The following DPEP2 variants were observed in gnomAD, a reference collection of about 807,000 sequenced individuals.
DPEP2 encodes the protein dipeptidase 2.
In DPEP2, 45 loss-of-function variants were observed where a neutral mutation model predicts 51.8. The observed-to-expected ratio is 0.87, with a 90% CI of 0.68 to 1.11. The LOEUF (loss-of-function observed/expected upper bound fraction) is 1.11, where lower values mean the gene tolerates loss of function less well. Ranked by LOEUF, DPEP2 falls within the 50% of genes most tolerant of loss-of-function variation. The pLI is 0.00. For missense variants in DPEP2, 604 were observed against 631.9 expected, an observed-to-expected ratio of 0.96 and a Z score of 0.47; for synonymous variants, 255 against 262.7, an observed-to-expected ratio of 0.97 and a Z score of 0.28.
chr16:67,988,938 AAGG>A (rs2031773766), intron 9 of DPEP2, among the ~76,000 whole-genome samples: 1 of 151,914 alleles, frequency 6.6e-6, no homozygotes, highest in African/African-American at 2.4e-5. Flanking sequence ...AGGAAGAAAG[AAGG>A]AGGAGGAGGA....
At chr16:67,989,660 G>T in intron 8 of DPEP2, among the ~76,000 whole-genome samples, 1 of 152,210 alleles carries the variant, frequency 6.6e-6, no homozygotes, top group East Asian at 1.9e-4. Context: ...GATTAAACCT[G>T]CCTCTAGTCT....
chr16:68,000,603 G>A (rs896140160), upstream of DPEP2: 4 of 613,808 alleles, frequency 6.5e-6, no homozygotes, highest in African/African-American at 8.0e-5. Flanking sequence ...CCAGAAAGCA[G>A]CCTGGCCACT....
At chr16:67,992,340 C>G (rs2032276923) in intron 3 of DPEP2, 147 bp from the exon 4 acceptor site, 1 of 1,432,764 alleles carries the variant, frequency 7.0e-7, no homozygotes, top group Non-Finnish European at 9.4e-7. Context: ...TCCTGGCCAC[C>G]AAGCTGGCTC....
At chr16:67,992,411 C>T in intron 3 of DPEP2, 99 bp downstream of exon 3, 1 of 1,520,604 alleles carries the variant, frequency 6.6e-7, no homozygotes, top group Non-Finnish European at 8.9e-7. Context: ...ACTATGGTAA[C>T]TGAGTTCTCA....
In DPEP2 at chr16:67,990,037, AG is replaced by A. The variant is rs759538140; in HGVS notation, c.994+9del. On this transcript the variant is annotated intron_variant, in intron 8 of 10. Coordinates refer to ENST00000393847, the MANE Select transcript of DPEP2 (RefSeq NM_022355.4). ...CAGAACTGTTCAGAGAGCCCGGGAG[AG>A]GGAGTTACCTGCCACAGTGGACACA... is the stretch of plus-strand genomic sequence containing the variant. 1.7e-5 allele frequency: 28 copies of A among 1,613,822 alleles called. No homozygotes were observed. The highest frequency in any genetic ancestry group is 3.3e-5 in the Admixed American group (2 of 59,986).
intron 1 of DPEP2, among the ~76,000 whole-genome samples, chr16:67,998,886 A>G (rs2032863128): frequency 6.6e-6 from 1 of 152,138 alleles, no homozygotes; most frequent in African/African-American, 2.4e-5. Flanking sequence ...CTCTGTATTT[A>G]GCTAATCTGG....
In DPEP2 at chr16:67,991,741, C is replaced by T. The variant is rs2151377285; in HGVS notation, c.662+97G>A. 1 of 1,522,362 alleles carries T rather than the reference C, an allele frequency of 6.6e-7. No homozygotes were observed. Among genetic ancestry groups the T allele is most frequent in the Non-Finnish European group, 8.9e-7 (1 of 1,127,198 alleles). The allele number at this position is 1,522,362 out of a possible 1,614,324, so 94.3% of individuals were successfully genotyped here. On this transcript the variant is annotated intron_variant, in intron 5 of 10. Coordinates refer to ENST00000393847, the MANE Select transcript of DPEP2 (RefSeq NM_022355.4). This position sits in a 1 kb window ranked among gnomAD's most constrained non-coding sequence, Gnocchi z 5.1. The stretch of plus-strand genomic sequence containing the variant: ...CCCCTCCCCACTCCAGAGTCAGTGC[C>T]ACATCCCATGGGTAAAGCTTGTTCT...
chr16:67,991,947 T>G lies in DPEP2; in HGVS notation c.553A>C (p.Ile185Leu), dbSNP rs139782026. 1.2e-6 allele frequency: 2 copies of G among 1,614,202 alleles called. No homozygotes were observed. The highest frequency in any genetic ancestry group is 1.7e-6 in the Non-Finnish European group (2 of 1,180,038). Residue 185 changes from isoleucine (I) to leucine (L), a missense_variant, in exon 5 of 11, where the codon ATC (isoleucine) becomes CTC (leucine). Coordinates refer to ENST00000393847, the MANE Select transcript of DPEP2 (RefSeq NM_022355.4). This position sits in a 1 kb window ranked among gnomAD's most constrained non-coding sequence, Gnocchi z 5.1. ...LNDTQKLACL[I>L]GVEGGHSLDN... ...AGCGAGTGGCCACCCTCTACACCGATGAGGCAGGCCAATTTCTGAGTGTCG... is the reference window on the plus strand; with the variant it reads ...AGCGAGTGGCCACCCTCTACACCGAGGAGGCAGGCCAATTTCTGAGTGTCG...
intron 3 of DPEP2, 67 bp from the exon 4 acceptor site, chr16:67,992,260 C>T (rs1171618814): frequency 6.4e-7 from 1 of 1,571,652 alleles, no homozygotes; most frequent in South Asian, 1.2e-5. Context: ...TGCTCACAGC[C>T]TCCACAGCTG....
chr16:67,990,198 C>T (rs2031958620), intron 7 of DPEP2, 67 bp from the exon 8 acceptor site: 9 of 1,486,376 alleles, frequency 6.1e-6, no homozygotes, highest in South Asian at 3.4e-5. Context: ...CCCTGCCACC[C>T]TCTGGATCCC....
At chr16:67,988,140 G>T in intron 9 of DPEP2, 153 bp from the exon 10 acceptor site, 2 of 893,748 alleles carry the variant, frequency 2.2e-6, no homozygotes, top group Non-Finnish European at 3.3e-6. Context: ...TTATCCTTCA[G>T]AAGGAGGCCT....
At chr16:67,993,591 AAG>A in intron 1 of DPEP2, 2 of 1,005,156 alleles carry the variant, frequency 2.0e-6, no homozygotes, top group Non-Finnish European at 2.4e-6. Flanking sequence ...CTCTCTCTCT[AAG>A]AGAGAGGGCC....
At position 67,990,123 on chromosome 16, in the gene DPEP2, GTTC is replaced by G. The variant is rs753249157; in HGVS notation, c.915_917del (p.Lys305del). 2.2e-5 allele frequency: 36 copies of G among 1,613,964 alleles called. No individual in the cohort carries two copies. The highest frequency in any genetic ancestry group is 1.8e-5 in the Non-Finnish European group (21 of 1,179,994). ...ACAAAGACACCATCACGACGCCACC[GTTC>G]TTCTTCTGCAGGGGCGGGCAAGTGG... On this transcript the variant is annotated inframe_deletion, in exon 8 of 11. Transcript: ENST00000393847.
At chr16:67,997,902 C>T (rs1028841178) in intron 1 of DPEP2, among the ~76,000 whole-genome samples, 5 of 152,274 alleles carry the variant, frequency 3.3e-5, no homozygotes, top group African/African-American at 1.2e-4. Context: ...TGGAGTCAGG[C>T]CCTGAGTTTC....
chr16:67,990,833 G>A lies in DPEP2; in HGVS notation c.897C>T (p.Ile299=), dbSNP rs202192183. 4 of 1,612,672 alleles carry A rather than the reference G, an allele frequency of 2.5e-6. No homozygotes were observed. Among genetic ancestry groups the A allele is most frequent in the Non-Finnish European group, 3.4e-6 (4 of 1,179,024 alleles). The part of the protein sequence containing the change: ...CNSARNVPDD[I]LQLLKKNGGV... The stretch of plus-strand genomic sequence containing the variant: ...GGCAGTTTCTCACCAGAAGCTGCAG[G>A]ATGTCATCAGGAACATTCCGAGCAC... Residue 299 remains isoleucine, a synonymous_variant, in exon 7 of 11, where the codon ATC becomes ATT. Transcript: ENST00000393847.
At chr16:68,000,381 T>G (rs1028546160), upstream of DPEP2, 2 of 956,040 alleles carry the variant, frequency 2.1e-6, no homozygotes, top group Non-Finnish European at 2.5e-6. Context: ...AAAGTCAGGC[T>G]GAGTTATAGC....
At chr16:67,988,373 A>C (rs998132879) in intron 9 of DPEP2, among the ~76,000 whole-genome samples, 8 of 151,340 alleles carry the variant, frequency 5.3e-5, no homozygotes, top group Non-Finnish European at 1.2e-4. Context: ...GGTGAAACCC[A>C]ATCTCTACTA....
rs756436332 is a variant in DPEP2 at position 67,991,578 on chromosome 16, A to G, written c.662+260T>C. ...TTTTTCTTCAAGATAGGGTTTCACC[A>G]TCTTGGCCAGGCTGGTCTCGAACTC... On this transcript the variant is annotated intron_variant, in intron 5 of 10. Coordinates refer to ENST00000393847, the MANE Select transcript of DPEP2 (RefSeq NM_022355.4). This position sits in a 1 kb window ranked among gnomAD's most constrained non-coding sequence, Gnocchi z 5.1. 5.5e-6 allele frequency: 3 copies of G among 545,090 alleles called. No individual in the cohort carries two copies. Among genetic ancestry groups the G allele is most frequent in the Non-Finnish European group, 9.7e-6 (3 of 310,798 alleles). The allele number at this position is 545,090 out of a possible 1,614,324, so 33.8% of individuals were successfully genotyped here. A position where few individuals can be genotyped will look rare whatever the true frequency, so the allele number is the denominator to read the frequency against.
Position 67,999,440 on chromosome 16 carries a change from A to T in DPEP2, c.-111T>A. On this transcript the variant is annotated 5_prime_UTR_variant, in exon 1 of 11. Coordinates refer to ENST00000393847, the MANE Select transcript of DPEP2 (RefSeq NM_022355.4). Reference sequence around the variant, plus strand: ...ATTCTAGAACTCAGTGAGACCAAGAACCCACCAATTCCGGACACACTAAGA... The same window carrying T: ...ATTCTAGAACTCAGTGAGACCAAGATCCCACCAATTCCGGACACACTAAGA... The T allele has an allele frequency of 1.0e-6, 1 of 988,848 alleles. No individual in the cohort carries two copies. Among genetic ancestry groups the T allele is most frequent in the Non-Finnish European group, 1.2e-6 (1 of 832,320 alleles). 61.3% of individuals were successfully genotyped at this position (988,848 alleles called of 1,614,324 possible).
Sources: allele counts gnomAD v4.1 joint callset (sites outside exome capture counted in the v4.1 genomes callset), GRCh38; gene constraint gnomAD v4.1.1; non-coding constraint Gnocchi (gnomAD v3.1); transcripts MANE v1.5; gene names NCBI Gene and HGNC (gene_info 2026-07-23, HGNC 2026-07-21).